The following GHR variants were observed in gnomAD, a reference collection of about 807,000 sequenced individuals.
GHR encodes the protein growth hormone receptor.
GHR carries 35 observed loss-of-function variants against 67.1 expected under a neutral mutation model. That is an observed-to-expected ratio of 0.52 (90% CI 0.40 to 0.69). GHR has a LOEUF of 0.69. Among genes scored for constraint, GHR ranks in the 30% least tolerant of loss-of-function variants. GHR has a pLI of 0.00. For missense variants in GHR, 792 were observed against 764.6 expected (o/e 1.04, Z -0.42); for synonymous variants, 272 against 269.1 (o/e 1.01, Z -0.10).
intron 1 of GHR, among the ~76,000 whole-genome samples, chr5:42,540,480 C>T (rs1259573470): frequency 6.6e-6 from 1 of 152,088 alleles, no homozygotes; most frequent in Non-Finnish European, 1.5e-5. Flanking sequence ...TAAGGATTGT[C>T]CATTTTCTAC....
In GHR at chr5:42,565,802, A is replaced by G. The variant is rs34190598; in HGVS notation, c.-11-62A>G. On this transcript the variant is annotated intron_variant, in intron 1 of 9. Coordinates refer to ENST00000230882, the MANE Select transcript of GHR (RefSeq NM_000163.5). ...ATGTCTTACCCAGTCTTTAAACAGT[A>G]TTTCATGATAATGGTCTGCTTTTAA... 446 of 1,613,234 alleles carry G rather than the reference A, an allele frequency of 2.8e-4. 5 individuals carry two copies. The East Asian group carries it at 9.7e-3, about 35-fold the overall frequency.
rs78991992 is a variant in GHR, at chr5:42,648,818, C to T, written c.136+19715C>T. Among the ~76,000 whole-genome samples, 11 of 152,158 alleles carry T rather than the reference C, an allele frequency of 7.2e-5. 1 individual carries two copies. In the East Asian group the frequency reaches 2.1e-3, roughly 29 times the overall value. The stretch of plus-strand genomic sequence containing the variant: ...AGCTGACTGACAGTTTATATAGCAA[C>T]CGCCTGCAGATTTAGGTTTTTTCTG... On this transcript the variant is annotated intron_variant, in intron 3 of 9. Transcript: ENST00000230882.
rs1747148791 is a variant in GHR, at chr5:42,514,325, C to T, written c.-11-51539C>T. On this transcript the variant is annotated intron_variant, in intron 1 of 9. Coordinates refer to ENST00000230882, the MANE Select transcript of GHR (RefSeq NM_000163.5). Reference sequence around the variant, plus strand: ...TTGGGAAGATAAATTCACACTTCACCCCTTGTTGAGATCTCCAGCCTTGCT... The same window carrying T: ...TTGGGAAGATAAATTCACACTTCACTCCTTGTTGAGATCTCCAGCCTTGCT... The T allele has an allele frequency of 3.1e-6, 3 of 959,010 alleles. No homozygotes were observed. The East Asian group carries it at 3.4e-4, about 110-fold the overall frequency. 59.4% of individuals were successfully genotyped at this position (959,010 alleles called of 1,614,324 possible). A position where few individuals can be genotyped will look rare whatever the true frequency, so the allele number is the denominator to read the frequency against.
chr5:42,660,367 G>A (rs1012010190), intron 3 of GHR, among the ~76,000 whole-genome samples: 4 of 152,224 alleles, frequency 2.6e-5, no homozygotes, highest in Admixed American at 1.3e-4. Flanking sequence ...CCCTCAGTAG[G>A]GGCAGACTGA....
intron 3 of GHR, among the ~76,000 whole-genome samples, chr5:42,681,935 CAAAAAAAAAAAA>C (rs11443605): frequency 2.7e-3 from 216 of 79,538 alleles, no homozygotes; most frequent in African/African-American, 0.011. Flanking sequence ...GACTCCGTCT[CAAAAAAAAAAAA>C]AAAAAAAAAG....
intron 3 of GHR, among the ~76,000 whole-genome samples, chr5:42,663,746 G>A (rs1328079239): frequency 1.3e-5 from 2 of 152,182 alleles, no homozygotes; most frequent in Non-Finnish European, 1.5e-5. Flanking sequence ...TCTGGCCAGG[G>A]CAATTACGCA....
chr5:42,610,884 G>A (rs978410812), intron 2 of GHR, among the ~76,000 whole-genome samples: 1 of 152,132 alleles, frequency 6.6e-6, no homozygotes, highest in African/African-American at 2.4e-5. Flanking sequence ...GTCATGCAAA[G>A]TCACTGGCTG....
At chr5:42,544,099 C>A (rs1748632863) in intron 1 of GHR, among the ~76,000 whole-genome samples, 1 of 152,056 alleles carries the variant, frequency 6.6e-6, no homozygotes, top group African/African-American at 2.4e-5. Flanking sequence ...CTAAAGGCAG[C>A]CTGGCAAAAA....
intron 3 of GHR, among the ~76,000 whole-genome samples, chr5:42,637,547 A>G (rs561316812): frequency 1.3e-5 from 2 of 152,272 alleles, no homozygotes; most frequent in East Asian, 3.9e-4. Context: ...AAGTAAGAAC[A>G]TATGGTATTT....
chr5:42,710,448 G>A (rs1283519497), intron 6 of GHR, among the ~76,000 whole-genome samples: 1 of 151,996 alleles, frequency 6.6e-6, no homozygotes, highest in Non-Finnish European at 1.5e-5. Flanking sequence ...CACTAGTTGA[G>A]TATACCTCTT....
chr5:42,699,335 G>GTCTT (rs5867598), intron 5 of GHR, among the ~76,000 whole-genome samples: 133,912 of 151,832 alleles, frequency 0.88, 59,408 homozygotes, highest in East Asian at 1. Context: ...GCAAAGATGA[G>GTCTT]TCAGGGAACA....
intron 1 of GHR, among the ~76,000 whole-genome samples, chr5:42,459,683 A>G (rs911583648): frequency 6.6e-6 from 1 of 152,134 alleles, no homozygotes; most frequent in Non-Finnish European, 1.5e-5. Flanking sequence ...AAAAAAAATG[A>G]TTAATGAGCG....
chr5:42,717,467 T>G (rs1405364609), intron 8 of GHR, among the ~76,000 whole-genome samples: 1 of 152,172 alleles, frequency 6.6e-6, no homozygotes, highest in Non-Finnish European at 1.5e-5. Context: ...TACTGATTAG[T>G]TAGAGATAGT....
At chr5:42,673,825 C>T (rs1756436223) in intron 3 of GHR, among the ~76,000 whole-genome samples, 1 of 152,140 alleles carries the variant, frequency 6.6e-6, no homozygotes, top group African/African-American at 2.4e-5. Flanking sequence ...GTACTATGCT[C>T]ATTCCCTGGG....
At chr5:42,531,592 T>C (rs1244744055) in intron 1 of GHR, among the ~76,000 whole-genome samples, 1 of 152,130 alleles carries the variant, frequency 6.6e-6, no homozygotes, top group Admixed American at 6.6e-5. Flanking sequence ...CACAGATTTT[T>C]GAAGTTCACC....
rs1030155903 is a variant in GHR at position 42,468,188 on chromosome 5, A to T, written c.-12+44233A>T. On this transcript the variant is annotated intron_variant, in intron 1 of 9. Transcript: ENST00000230882. ...GTCTGACGAAACTCCCCTGGGGCCC[A>T]GACTTTGATGTTCTCAGAGTGCACT... 6 of 1,409,808 alleles carry T rather than the reference A, an allele frequency of 4.3e-6. No homozygotes were observed. The African/African-American group carries it at 8.5e-5, about 20-fold the overall frequency. 87.3% of individuals were successfully genotyped at this position (1,409,808 alleles called of 1,614,324 possible).
At chr5:42,525,697 AT>A (rs1747677375) in intron 1 of GHR, among the ~76,000 whole-genome samples, 1 of 152,174 alleles carries the variant, frequency 6.6e-6, no homozygotes, top group African/African-American at 2.4e-5. Flanking sequence ...ATCTCCCAGA[AT>A]TCCCACAGGT....
chr5:42,493,848 G>A (rs1746213523), intron 1 of GHR, among the ~76,000 whole-genome samples: 1 of 152,130 alleles, frequency 6.6e-6, no homozygotes, highest in South Asian at 2.1e-4. Flanking sequence ...CTATAGTCAT[G>A]CTGCAAACCC....
At chr5:42,498,351 A>G (rs894145159) in intron 1 of GHR, among the ~76,000 whole-genome samples, 2 of 152,192 alleles carry the variant, frequency 1.3e-5, no homozygotes, top group Non-Finnish European at 2.9e-5. Context: ...GAAGGGTAAA[A>G]GGGAGAAAGG....
Sources: allele counts gnomAD v4.1 joint callset (sites outside exome capture counted in the v4.1 genomes callset), GRCh38; gene constraint gnomAD v4.1.1; transcripts MANE v1.5; gene names NCBI Gene and HGNC (gene_info 2026-07-23, HGNC 2026-07-21).